ARHGEF26: variants seen among roughly 807,000 people sequenced by gnomAD.
The protein encoded by ARHGEF26 is Rho guanine nucleotide exchange factor 26.
A neutral mutation model predicts 89.4 loss-of-function variants in ARHGEF26; 59 were observed. That is an observed-to-expected ratio of 0.66 (90% CI 0.54 to 0.82). The LOEUF is 0.82. Ranked by LOEUF, ARHGEF26 falls within the 40% of genes least tolerant of loss-of-function variation. The pLI, the probability that ARHGEF26 is intolerant of heterozygous loss-of-function variation, is 0.00. For synonymous variants in ARHGEF26, 500 were observed against 428.4 expected (o/e 1.17, Z -2.06); for missense variants, 1,234 against 1,085.6 (o/e 1.14, Z -1.92).
At chr3:154,240,637 T>G in intron 12 of ARHGEF26, 58 bp downstream of exon 12, 1 of 1,474,060 alleles carries the variant, frequency 6.8e-7, no homozygotes, top group Non-Finnish European at 9.1e-7. Context: ...GACCTGATTT[T>G]CTTTGGTTTA....
intron 9 of ARHGEF26, among the ~76,000 whole-genome samples, chr3:154,207,059 A>G (rs1337389343): frequency 2.0e-5 from 3 of 152,356 alleles, no homozygotes; most frequent in Non-Finnish European, 4.4e-5. Context: ...GGCTAACTGT[A>G]TGCAGAAAAT....
chr3:154,158,226 GC>G (rs1408655685), intron 6 of ARHGEF26, among the ~76,000 whole-genome samples: 2 of 152,180 alleles, frequency 1.3e-5, no homozygotes, highest in African/African-American at 4.8e-5. Flanking sequence ...CATTTAAGGA[GC>G]CTGTGGGTTG....
chr3:154,254,860 C>T (rs1364348180), intron 14 of ARHGEF26, 36 bp downstream of exon 14: 1 of 1,570,028 alleles, frequency 6.4e-7, no homozygotes, highest in Admixed American at 1.7e-5. Context: ...ACTCGTGGTC[C>T]AGGATGCAGA....
At chr3:154,168,176 C>T (rs1712173196) in intron 6 of ARHGEF26, among the ~76,000 whole-genome samples, 1 of 152,192 alleles carries the variant, frequency 6.6e-6, no homozygotes, top group Non-Finnish European at 1.5e-5. Flanking sequence ...CCAGATCTCA[C>T]AGCTAATTAG....
Position 154,255,568 on chromosome 3 carries a change from T to G in ARHGEF26, c.*95T>G, listed in dbSNP as rs928503828. ...TTTTATTGTTAATTTTGTCACAGCC[T>G]ATTTAATTAAAAGAACGAAAACACT... On this transcript the variant is annotated 3_prime_UTR_variant, in exon 15 of 15. Coordinates refer to ENST00000465093, the MANE Select transcript of ARHGEF26 (RefSeq NM_015595.4). The G allele has an allele frequency of 6.7e-7, 1 of 1,492,048 alleles. No individual in the cohort carries two copies. The highest frequency in any genetic ancestry group is 2.4e-5 in the East Asian group (1 of 42,510). The allele number at this position is 1,492,048 out of a possible 1,614,324, so 92.4% of individuals were successfully genotyped here.
At chr3:154,162,929 T>C (rs1366344899) in intron 6 of ARHGEF26, among the ~76,000 whole-genome samples, 1 of 152,184 alleles carries the variant, frequency 6.6e-6, no homozygotes, top group African/African-American at 2.4e-5. Context: ...AAAGCGCTCA[T>C]TGAGCCGCCG....
intron 4 of ARHGEF26, among the ~76,000 whole-genome samples, chr3:154,140,828 G>T (rs1233383281): frequency 3.3e-5 from 5 of 152,080 alleles, no homozygotes; most frequent in African/African-American, 1.2e-4. Flanking sequence ...TTATCTGCTC[G>T]CCTCGGCTTC....
intron 11 of ARHGEF26, among the ~76,000 whole-genome samples, chr3:154,239,321 T>A (rs1717348594): frequency 6.7e-6 from 1 of 148,316 alleles, no homozygotes; most frequent in Admixed American, 6.7e-5. Flanking sequence ...TGTGTGTGTG[T>A]GTGTGTGTGT....
In ARHGEF26 at chr3:154,192,680, A is replaced by G. The variant is rs532837887; in HGVS notation, c.1770+1262A>G. Among the ~76,000 whole-genome samples, 28 of 152,362 alleles carry G rather than the reference A, an allele frequency of 1.8e-4. 2 individuals carry two copies. The highest frequency in any genetic ancestry group is 6.3e-4 in the African/African-American group (26 of 41,576). ...ATCAGAATCGAATTTTTGCTTAAGAAGGAAACTTTGGTCCATATAAGGAAG... is the reference window on the plus strand; with the variant it reads ...ATCAGAATCGAATTTTTGCTTAAGAGGGAAACTTTGGTCCATATAAGGAAG... On this transcript the variant is annotated intron_variant, in intron 8 of 14. Coordinates refer to ENST00000465093, the MANE Select transcript of ARHGEF26 (RefSeq NM_015595.4).
In ARHGEF26 at chr3:154,122,034, A is replaced by G. The variant is rs1216618067; in HGVS notation, c.42A>G (p.Ile14Met). The G allele has an allele frequency of 6.2e-7, 1 of 1,610,642 alleles. No individual in the cohort carries two copies. Among genetic ancestry groups the G allele is most frequent in the African/African-American group, 1.3e-5 (1 of 74,840 alleles). The stretch of plus-strand genomic sequence containing the variant: ...AGGTGGATTTTTCTAGCAACAGCAT[A>G]ACCCCTTTGTGGCGGAGGCGGTCGA... ...ESEVDFSSNS[I>M]TPLWRRRSIP... The change falls in exon 2 of 15, where the codon ATA becomes ATG. Residue 14 changes from isoleucine to methionine, a missense_variant. Physicochemically the swap from Ile to Met is conservative, Grantham distance 10 (BLOSUM62 1). Coordinates refer to ENST00000465093, the MANE Select transcript of ARHGEF26 (RefSeq NM_015595.4).
chr3:154,234,372 TGTACATGTTTA>T (rs1275196051), intron 11 of ARHGEF26, among the ~76,000 whole-genome samples: 1 of 152,158 alleles, frequency 6.6e-6, no homozygotes, highest in Non-Finnish European at 1.5e-5. Context: ...CCCTAAGGTA[TGTACATGTTTA>T]ACAGCACCTC....
intron 4 of ARHGEF26, among the ~76,000 whole-genome samples, chr3:154,131,669 T>C (rs1208976365): frequency 6.6e-6 from 1 of 152,240 alleles, no homozygotes; most frequent in Non-Finnish European, 1.5e-5. Flanking sequence ...GTTTTCTCTC[T>C]GTGGCAGCAG....
At position 154,122,575 on chromosome 3, in the gene ARHGEF26, GC is replaced by G; in HGVS notation, c.584del (p.Ala195GlufsTer41). 6.2e-7 allele frequency: 1 copy of G among 1,613,584 alleles called. No homozygotes were observed. Among genetic ancestry groups the G allele is most frequent in the Non-Finnish European group, 8.5e-7 (1 of 1,179,880 alleles). The part of the protein sequence containing the change: ...PGSGSQSGRK[A>X]KDPERGLFPG... ...GTCAGGTTCGCAGTCCGGCCGGAAG[GC>G]AAAGGACCCCGAACGGGGGCTCTTT... On this transcript the variant is annotated frameshift_variant, in exon 2 of 15. Coordinates refer to ENST00000465093, the MANE Select transcript of ARHGEF26 (RefSeq NM_015595.4). LOFTEE classifies it high-confidence loss of function.
At chr3:154,183,299 G>GA (rs1167636362) in intron 6 of ARHGEF26, among the ~76,000 whole-genome samples, 3 of 151,426 alleles carry the variant, frequency 2.0e-5, no homozygotes, top group Non-Finnish European at 2.9e-5. Context: ...GCTTTACAGG[G>GA]AAAAAAAAGA....
rs181792180 is a variant in ARHGEF26, at chr3:154,255,907, T to G, written c.*434T>G. 4.0e-6 allele frequency: 4 copies of G among 989,094 alleles called. No homozygotes were observed. The highest frequency in any genetic ancestry group is 6.1e-5 in the Admixed American group (1 of 16,420). 61.3% of individuals were successfully genotyped at this position (989,094 alleles called of 1,614,324 possible). On this transcript the variant is annotated 3_prime_UTR_variant, in exon 15 of 15. Coordinates refer to ENST00000465093, the MANE Select transcript of ARHGEF26 (RefSeq NM_015595.4). Reference sequence around the variant, plus strand: ...GTATATCTGTAAAGAATGTCCAGTTTTGTAAATATTTCCCTGCCTTTTTTT... The same window carrying G: ...GTATATCTGTAAAGAATGTCCAGTTGTGTAAATATTTCCCTGCCTTTTTTT...
intron 11 of ARHGEF26, 37 bp from the exon 12 acceptor site, chr3:154,240,333 T>G: frequency 1.3e-6 from 2 of 1,506,270 alleles, no homozygotes; most frequent in Non-Finnish European, 1.8e-6. Context: ...TCTTATCTGC[T>G]GAATAATTGA....
At chr3:154,143,798 A>G (rs2108079301) in intron 4 of ARHGEF26, among the ~76,000 whole-genome samples, 1 of 152,306 alleles carries the variant, frequency 6.6e-6, no homozygotes, top group African/African-American at 2.4e-5. Flanking sequence ...TTTACCCTGA[A>G]TTTATTCCCT....
At position 154,125,365 on chromosome 3, in the gene ARHGEF26, C is replaced by G. The variant is rs576272527; in HGVS notation, c.1123+916C>G. On this transcript the variant is annotated intron_variant, in intron 3 of 14. Coordinates refer to ENST00000465093, the MANE Select transcript of ARHGEF26 (RefSeq NM_015595.4). ...TATCTATAAAAATTCATTCACCGCA[C>G]CAATCTTAGGAAATCCAGATATAGT... Among the ~76,000 whole-genome samples, 38 of 152,256 alleles carry G rather than the reference C, an allele frequency of 2.5e-4. 1 individual carries two copies. The highest frequency in any genetic ancestry group is 8.9e-4 in the African/African-American group (37 of 41,542).
chr3:154,241,766 G>A (rs759288946), intron 12 of ARHGEF26, among the ~76,000 whole-genome samples: 1 of 152,164 alleles, frequency 6.6e-6, no homozygotes, highest in Non-Finnish European at 1.5e-5. Flanking sequence ...GGCTATTCTG[G>A]CTAAACTAAC....
Sources: allele counts gnomAD v4.1 joint callset (sites outside exome capture counted in the v4.1 genomes callset), GRCh38; gene constraint gnomAD v4.1.1; transcripts MANE v1.5; gene names NCBI Gene and HGNC (gene_info 2026-07-23, HGNC 2026-07-21).